RDH10: variants seen among roughly 807,000 people sequenced by gnomAD.
RDH10 encodes the protein retinol dehydrogenase 10.
Under a neutral mutation model 30.2 loss-of-function variants are expected in RDH10, and 12 were observed. That is an observed-to-expected ratio of 0.40 (90% CI 0.25 to 0.64). The LOEUF is 0.64. RDH10 is among the 30% of genes least tolerant of loss of function. The pLI, the probability that RDH10 is intolerant of heterozygous loss-of-function variation, is 0.43. For missense variants in RDH10, 268 were observed against 445.2 expected (o/e 0.60, Z 3.58); for synonymous variants, 189 against 172.2 (o/e 1.10, Z -0.76).
rs200175538 is a variant in RDH10, at chr8:73,322,914, A to T, written c.904A>T (p.Ile302Phe). The change falls in exon 6 of 6, where the codon ATC (isoleucine) becomes TTC (phenylalanine). Residue 302 changes from isoleucine (I) to phenylalanine (F), a missense_variant and splice_region_variant. By Grantham distance (21) the Ile-to-Phe change is conservative (BLOSUM62 0). Transcript: ENST00000240285. ...LMYIVTFMKS[I>F]LPFEAVVCMY... ...ACAGCTGTGACTTCCCTTTTTCAGC[A>T]TCCTACCATTTGAAGCAGTTGTGTG... is the stretch of plus-strand genomic sequence containing the variant. 1 of 1,614,186 alleles carries T rather than the reference A, an allele frequency of 6.2e-7. No homozygotes were observed. The highest frequency in any genetic ancestry group is 2.2e-5 in the East Asian group (1 of 44,886).
chr8:73,294,603 G>C lies in RDH10; in HGVS notation c.-687G>C, dbSNP rs1248805463. The C allele has an allele frequency of 3.7e-6, 1 of 273,056 alleles. No individual in the cohort carries two copies. 16.9% of individuals were successfully genotyped at this position (273,056 alleles called of 1,614,324 possible). A position where few individuals can be genotyped will look rare whatever the true frequency, so the allele number is the denominator to read the frequency against. On this transcript the variant is annotated 5_prime_UTR_variant, in exon 1 of 6. Transcript: ENST00000240285. ...TAGCGCGGAGCGTGGAGCCCGCTCAGAGCCGGCCCGGAGCGCTCTGACTTG... is the reference window on the plus strand; with the variant it reads ...TAGCGCGGAGCGTGGAGCCCGCTCACAGCCGGCCCGGAGCGCTCTGACTTG...
chr8:73,294,841 C>T lies in RDH10; in HGVS notation c.-449C>T. ...AGTTGACAACTCCCGCGGCAGCCCG[C>T]TGGCCCGTGCCGCCTCCGCTGCGCA... is the stretch of plus-strand genomic sequence containing the variant. On this transcript the variant is annotated 5_prime_UTR_variant, in exon 1 of 6. Coordinates refer to ENST00000240285, the MANE Select transcript of RDH10 (RefSeq NM_172037.5). 1 of 387,316 alleles carries T rather than the reference C, an allele frequency of 2.6e-6. No individual in the cohort carries two copies. Among genetic ancestry groups the T allele is most frequent in the Non-Finnish European group, 4.6e-6 (1 of 218,626 alleles). 24.0% of individuals were successfully genotyped at this position (387,316 alleles called of 1,614,324 possible). A position where few individuals can be genotyped will look rare whatever the true frequency, so the allele number is the denominator to read the frequency against.
In RDH10 at chr8:73,294,633, C is replaced by T. The variant is rs2130348968; in HGVS notation, c.-657C>T. ...GGCCCGGAGCGCTCTGACTTGCAAG[C>T]GGGCTGCGCTGCGGAGCCCAGTGCC... On this transcript the variant is annotated 5_prime_UTR_variant, in exon 1 of 6. Transcript: ENST00000240285. 3.1e-6 allele frequency: 1 copy of T among 323,750 alleles called. No individual in the cohort carries two copies. The allele number at this position is 323,750 out of a possible 1,614,324, so 20.1% of individuals were successfully genotyped here.
chr8:73,315,520 T>C, intron 2 of RDH10: 1 of 445,766 alleles, frequency 2.2e-6, no homozygotes, highest in Non-Finnish European at 4.5e-6. Flanking sequence ...TGCAACAAAT[T>C]ACACTTAAAG....
intron 2 of RDH10, among the ~76,000 whole-genome samples, chr8:73,314,110 T>TG (rs1238229151): frequency 6.6e-6 from 1 of 152,264 alleles, no homozygotes; most frequent in African/African-American, 2.4e-5. Flanking sequence ...TTGAACTGAC[T>TG]GGTGTCATGG....
chr8:73,309,362 T>C (rs1814520061), intron 2 of RDH10, among the ~76,000 whole-genome samples: 1 of 152,186 alleles, frequency 6.6e-6, no homozygotes, highest in Non-Finnish European at 1.5e-5. Flanking sequence ...GAAGTTTTCT[T>C]TTTTCAGTTC....
chr8:73,315,621 G>C (rs1466436677), intron 2 of RDH10: 1 of 455,248 alleles, frequency 2.2e-6, no homozygotes, highest in African/African-American at 2.0e-5. Flanking sequence ...GGCAAGACCA[G>C]AGCACGTGAA....
In RDH10 at chr8:73,294,657, C is replaced by T. The variant is rs1042407016; in HGVS notation, c.-633C>T. 1 of 349,942 alleles carries T rather than the reference C, an allele frequency of 2.9e-6. No homozygotes were observed. The allele number at this position is 349,942 out of a possible 1,614,324, so 21.7% of individuals were successfully genotyped here. A position where few individuals can be genotyped will look rare whatever the true frequency, so the allele number is the denominator to read the frequency against. On this transcript the variant is annotated 5_prime_UTR_variant, in exon 1 of 6. Transcript: ENST00000240285. Reference sequence around the variant, plus strand: ...GCGGGCTGCGCTGCGGAGCCCAGTGCCCGAGTGACACCCGCGGAGAGTGCA... The same window carrying T: ...GCGGGCTGCGCTGCGGAGCCCAGTGTCCGAGTGACACCCGCGGAGAGTGCA...
chr8:73,299,971 G>A (rs1211338795), intron 2 of RDH10, among the ~76,000 whole-genome samples: 1 of 152,176 alleles, frequency 6.6e-6, no homozygotes, highest in African/African-American at 2.4e-5. Flanking sequence ...AAATTATTCT[G>A]GACCTGAATC....
intron 4 of RDH10, among the ~76,000 whole-genome samples, 192 bp downstream of exon 4, chr8:73,321,269 C>T (rs1345270927): frequency 6.6e-6 from 1 of 152,334 alleles, no homozygotes; most frequent in Middle Eastern, 3.4e-3. Context: ...CACACTGATA[C>T]TAATTTGCAG....
intron 2 of RDH10, 101 bp from the exon 3 acceptor site, chr8:73,318,995 C>G: frequency 1.4e-6 from 1 of 714,116 alleles, no homozygotes; most frequent in Non-Finnish European, 2.4e-6. Context: ...AATTGGGAAA[C>G]AAAACATCAT....
chr8:73,295,728 GC>G, intron 1 of RDH10, 150 bp downstream of exon 1: 1 of 953,250 alleles, frequency 1.0e-6, no homozygotes, highest in Non-Finnish European at 1.5e-6. Flanking sequence ...AGTGGAATTC[GC>G]TTCCTGATAA....
At chr8:73,297,052 A>G in intron 1 of RDH10, 142 bp from the exon 2 acceptor site, 1 of 634,746 alleles carries the variant, frequency 1.6e-6, no homozygotes, top group Non-Finnish European at 2.9e-6. Flanking sequence ...GTCGTTGGCA[A>G]GCCTTGCAGC....
At chr8:73,320,720 C>T (rs899821793) in intron 3 of RDH10, among the ~76,000 whole-genome samples, 3 of 152,098 alleles carry the variant, frequency 2.0e-5, no homozygotes, top group Non-Finnish European at 4.4e-5. Flanking sequence ...GATCCAGCCA[C>T]CTCGGCCTCC....
At chr8:73,309,921 C>A (rs1393837093) in intron 2 of RDH10, among the ~76,000 whole-genome samples, 2 of 152,080 alleles carry the variant, frequency 1.3e-5, no homozygotes, top group Non-Finnish European at 2.9e-5. Flanking sequence ...CTTAAAATTA[C>A]CCAGCCCCAA....
In RDH10 at chr8:73,319,203, G is replaced by A. The variant is rs1814723871; in HGVS notation, c.624+9G>A. ...GTACTGCCGGAGTTGAGGTTTGTCA[G>A]ATATATAGCATTTCTTTCGTTCAAT... On this transcript the variant is annotated intron_variant, in intron 3 of 5. Transcript: ENST00000240285. 2 of 1,580,610 alleles carry A rather than the reference G, an allele frequency of 1.3e-6. No individual in the cohort carries two copies. The highest frequency in any genetic ancestry group is 3.4e-5 in the Admixed American group (2 of 59,688).
At chr8:73,297,786 A>G (rs576203006) in intron 2 of RDH10, 90 of 230,682 alleles carry the variant, frequency 3.9e-4, no homozygotes, top group Non-Finnish European at 7.5e-4. Flanking sequence ...TTCTAAAGTC[A>G]GGATTTAGGC....
chr8:73,315,254 C>G (rs1281830344), intron 2 of RDH10, among the ~76,000 whole-genome samples: 1 of 140,514 alleles, frequency 7.1e-6, no homozygotes, highest in Non-Finnish European at 1.5e-5. Context: ...TCTCCCCCCA[C>G]CGGCCTCCTC....
chr8:73,320,475 GTTTTTTT>G (rs55892941), intron 3 of RDH10, among the ~76,000 whole-genome samples: 2,477 of 137,452 alleles, frequency 0.018, 75 homozygotes, highest in African/African-American at 0.061. Flanking sequence ...TTTTGTTTTT[GTTTTTTT>G]TTTTTTGAGA....
Sources: allele counts gnomAD v4.1 joint callset (sites outside exome capture counted in the v4.1 genomes callset), GRCh38; gene constraint gnomAD v4.1.1; transcripts MANE v1.5; gene names NCBI Gene and HGNC (gene_info 2026-07-23, HGNC 2026-07-21).